The following XKR9 variants were observed in gnomAD, a reference collection of about 807,000 sequenced individuals.
XKR9 encodes XK-related protein 9.
XKR9 carries 32 observed loss-of-function variants against 32.0 expected under a neutral mutation model. The observed-to-expected ratio is 1.00, with a 90% CI of 0.76 to 1.34. The LOEUF is 1.34. Ranked by LOEUF, XKR9 falls within the 40% of genes most tolerant of loss-of-function variation. The probability of loss-of-function intolerance (pLI) is 0.00; values close to 1 mark genes in which losing one functional copy is unlikely to be tolerated. For missense variants in XKR9, 546 were observed against 429.7 expected (o/e 1.27, Z -2.39); for synonymous variants, 168 against 143.4 (o/e 1.17, Z -1.22).
At chr8:70,839,740 A>T in the XKR9 span, among the ~76,000 whole-genome samples, 1 of 152,194 alleles carries the variant, frequency 6.6e-6, no homozygotes, top group African/African-American at 2.4e-5. Context: ...ACCACTTGCC[A>T]AATAATAGCA....
At chr8:70,929,256 G>A in the XKR9 span, among the ~76,000 whole-genome samples, 1 of 152,070 alleles carries the variant, frequency 6.6e-6, no homozygotes, top group South Asian at 2.1e-4. Context: ...AGGGGCTATC[G>A]AGCACTTGAA....
chr8:70,925,939 C>T, the XKR9 span, among the ~76,000 whole-genome samples: 3 of 152,124 alleles, frequency 2.0e-5, no homozygotes, highest in African/African-American at 4.8e-5. Flanking sequence ...ATTTATAGAA[C>T]ACTTTCTTAT....
chr8:70,887,848 A>T, the XKR9 span, among the ~76,000 whole-genome samples: 1 of 152,096 alleles, frequency 6.6e-6, no homozygotes, highest in Non-Finnish European at 1.5e-5. Context: ...TTTTCTTAAT[A>T]TATAATCATG....
chr8:70,853,489 A>G, the XKR9 span, among the ~76,000 whole-genome samples: 1 of 151,832 alleles, frequency 6.6e-6, no homozygotes, highest in Non-Finnish European at 1.5e-5. Context: ...TACATCTACC[A>G]TGTACTCATA....
chr8:70,801,246 G>A, the XKR9 span, among the ~76,000 whole-genome samples: 10 of 152,046 alleles, frequency 6.6e-5, no homozygotes, highest in African/African-American at 2.4e-4. Flanking sequence ...TCCTCTAGGT[G>A]TGGTGCTGGG....
chr8:70,743,308 C>T (rs1807014463), intron 2 of XKR9, among the ~76,000 whole-genome samples: 1 of 151,902 alleles, frequency 6.6e-6, no homozygotes. Context: ...GCATATTTTT[C>T]TTTATATCCT....
chr8:70,987,452 C>T, the XKR9 span, among the ~76,000 whole-genome samples: 1 of 152,324 alleles, frequency 6.6e-6, no homozygotes. Flanking sequence ...CCATGAAGTC[C>T]AAAATCCAGC....
In XKR9 at chr8:70,681,146, G is replaced by A. The variant is rs1554543267; in HGVS notation, c.88G>A (p.Val30Ile). ...TDLIVDIWVS[V>I]RFFHEGQYVF... ...TTTAATTGTGGACATATGGGTATCTGTCAGATTTTTCCATGAAGGACAGTA... is the reference window on the plus strand; with the variant it reads ...TTTAATTGTGGACATATGGGTATCTATCAGATTTTTCCATGAAGGACAGTA... Residue 30 changes from valine (V) to isoleucine (I), a missense_variant, in exon 3 of 5, where the codon GTC becomes ATC. Val to Ile is a conservative substitution (Grantham distance 29). Coordinates refer to ENST00000408926, the MANE Select transcript of XKR9 (RefSeq NM_001011720.2). 1.2e-6 allele frequency: 2 copies of A among 1,613,568 alleles called. No individual in the cohort carries two copies. The highest frequency in any genetic ancestry group is 1.7e-6 in the Non-Finnish European group (2 of 1,179,608).
the XKR9 span, among the ~76,000 whole-genome samples, chr8:70,913,184 A>G: frequency 6.6e-6 from 1 of 152,186 alleles, no homozygotes; most frequent in Non-Finnish European, 1.5e-5. Flanking sequence ...AGAATAAGAA[A>G]CATACATTTT....
At chr8:70,811,888 C>T in the XKR9 span, among the ~76,000 whole-genome samples, 2 of 152,140 alleles carry the variant, frequency 1.3e-5, no homozygotes, top group Admixed American at 6.5e-5. Flanking sequence ...ACCATTCCTT[C>T]TGAAACTATT....
the XKR9 span, among the ~76,000 whole-genome samples, chr8:70,900,710 T>C: frequency 6.6e-6 from 1 of 152,232 alleles, no homozygotes; most frequent in Non-Finnish European, 1.5e-5. Flanking sequence ...GGGTGCAACG[T>C]GCAGGTTTGT....
rs141783079 is a variant in XKR9, at chr8:70,731,809, T to C, written c.494-1987T>C. Among the ~76,000 whole-genome samples, 598 of 152,326 alleles carry C rather than the reference T, an allele frequency of 3.9e-3. 5 individuals are homozygous for C. Among genetic ancestry groups the C allele is most frequent in the African/African-American group, 0.014 (564 of 41,580 alleles). On this transcript the variant is annotated intron_variant, in intron 4 of 4. Transcript: ENST00000408926. ...ATCAGACAAGGAAAGTTCTCTGAGT[T>C]AGGACTGTGGGACTTCCATCGACAA...
At chr8:70,824,836 G>C in the XKR9 span, among the ~76,000 whole-genome samples, 2 of 151,996 alleles carry the variant, frequency 1.3e-5, no homozygotes, top group East Asian at 3.9e-4. Context: ...TTTGGTGGAA[G>C]CAATCTAAAT....
the XKR9 span, among the ~76,000 whole-genome samples, chr8:71,001,071 G>C: frequency 6.6e-6 from 1 of 152,148 alleles, no homozygotes; most frequent in Non-Finnish European, 1.5e-5. Flanking sequence ...GTTTCCCATA[G>C]TCTTCTCACA....
chr8:70,910,396 T>C, the XKR9 span, among the ~76,000 whole-genome samples: 4 of 152,156 alleles, frequency 2.6e-5, no homozygotes, highest in African/African-American at 9.7e-5. Flanking sequence ...TTTCTACTAA[T>C]TGGGGATATG....
chr8:70,963,465 T>G, the XKR9 span, among the ~76,000 whole-genome samples: 1 of 152,202 alleles, frequency 6.6e-6, no homozygotes, highest in African/African-American at 2.4e-5. Flanking sequence ...TAATTTATAT[T>G]CCTTTGGGGA....
intron 2 of XKR9, among the ~76,000 whole-genome samples, chr8:70,784,102 T>C (rs929660168): frequency 2.6e-5 from 4 of 152,232 alleles, no homozygotes; most frequent in Non-Finnish European, 5.9e-5. Flanking sequence ...TTGATTACTA[T>C]GGCTTTGTAG....
the XKR9 span, among the ~76,000 whole-genome samples, chr8:70,939,940 C>T: frequency 6.6e-6 from 1 of 151,992 alleles, no homozygotes; most frequent in South Asian, 2.1e-4. Flanking sequence ...TCCATTTTTT[C>T]AGATGTATAA....
At position 70,734,326 on chromosome 8, in the gene XKR9, A is replaced by C. The variant is rs775992547; in HGVS notation, c.1024A>C (p.Ser342Arg). 43 of 1,612,262 alleles carry C rather than the reference A, an allele frequency of 2.7e-5. No individual in the cohort carries two copies. The highest frequency in any genetic ancestry group is 3.6e-5 in the Non-Finnish European group (43 of 1,179,484). Reference sequence around the variant, plus strand: ...TCTTTTTCTTATTGTTTATTATGGGAGTTTTCACCCAAACAGAAGTGCAGA... The same window carrying C: ...TCTTTTTCTTATTGTTTATTATGGGCGTTTTCACCCAAACAGAAGTGCAGA... ...GILFLIVYYGSFHPNRSAETK... is the reference protein window; with the variant it reads ...GILFLIVYYGRFHPNRSAETK... Residue 342 changes from serine (S) to arginine (R), a missense_variant, in exon 5 of 5, where the codon AGT (serine) becomes CGT (arginine). Ser to Arg is a moderately radical substitution (Grantham distance 110, BLOSUM62 -1). Coordinates refer to ENST00000408926, the MANE Select transcript of XKR9 (RefSeq NM_001011720.2).
Sources: allele counts gnomAD v4.1 joint callset (sites outside exome capture counted in the v4.1 genomes callset), GRCh38; gene constraint gnomAD v4.1.1; transcripts MANE v1.5; gene names NCBI Gene and HGNC (gene_info 2026-07-23, HGNC 2026-07-21).